Variants in TOP2B observed in about 807,000 individuals in gnomAD.
The protein encoded by TOP2B is DNA topoisomerase II beta.
A neutral mutation model predicts 193.5 loss-of-function variants in TOP2B; 51 were observed. The ratio of observed to expected loss-of-function variants is 0.26; its 90% CI spans 0.21 to 0.33. The LOEUF is 0.33. Among genes scored for constraint, TOP2B ranks in the 10% least tolerant of loss-of-function variants. TOP2B has a pLI of 1.00. For missense variants in TOP2B, 1,378 were observed against 1,909.3 expected (o/e 0.72, Z 5.19); for synonymous variants, 634 against 635.7 (o/e 1.00, Z 0.04).
chr3:25,637,356 T>A, intron 5 of TOP2B, 44 bp from the exon 6 acceptor site: 1 of 1,437,614 alleles, frequency 7.0e-7, no homozygotes, highest in Non-Finnish European at 9.5e-7. Context: ...AAAATGATTT[T>A]AAAGGAACTT....
rs370167709 is a variant in TOP2B, at chr3:25,645,460, T to A, written c.80A>T (p.Asp27Val). The A allele has an allele frequency of 2.6e-5, 41 of 1,604,026 alleles. No homozygotes were observed. The African/African-American group carries it at 5.1e-4, about 20-fold the overall frequency. Reference protein sequence around the residue: ...NGALTWVTLFDQNNAAKKEES... With the variant: ...NGALTWVTLFVQNNAAKKEES... ...TTCTTTTTTTGCAGCATTGTTCTGA[T>A]CAAAAAGAGTCTAAAATTAACCAAA... Residue 27 changes from aspartate to valine, a missense_variant, in exon 2 of 36, where the codon GAT becomes GTT. Coordinates refer to ENST00000264331, the MANE Select transcript of TOP2B (RefSeq NM_001330700.2).
chr3:25,654,227 CA>C (rs1008473451), intron 1 of TOP2B, among the ~76,000 whole-genome samples: 3 of 152,076 alleles, frequency 2.0e-5, no homozygotes, highest in African/African-American at 7.2e-5. Context: ...AAAACTATTA[CA>C]ACTAATAAAT....
chr3:25,658,039 C>T (rs1377100014), intron 1 of TOP2B, among the ~76,000 whole-genome samples: 1 of 86,986 alleles, frequency 1.1e-5, no homozygotes, highest in East Asian at 3.1e-4. Flanking sequence ...CCAGCCTGGG[C>T]GACAGAGCGA....
rs773404223 is a variant in TOP2B, at chr3:25,632,475, A to C, written c.1237T>G (p.Cys413Gly). The change falls in exon 10 of 36, where the codon TGC becomes GGC. Residue 413 changes from cysteine to glycine, a missense_variant. Physicochemically the swap from Cys to Gly is radical, Grantham distance 159. This residue lies in a region of TOP2B where 222 missense variants were observed against 306.6 expected (regional missense o/e 0.72). Transcript: ENST00000264331. ...TLQPKSFGSK[C>G]QLSEKFFKAA... ...TTAAAAAATTTTTCTGACAGCTGGC[A>C]TTTAGACCCAAAACTTTTGGGCTGC... The C allele has an allele frequency of 6.3e-7, 1 of 1,577,628 alleles. No homozygotes were observed. The highest frequency in any genetic ancestry group is 8.6e-7 in the Non-Finnish European group (1 of 1,162,914).
intron 33 of TOP2B, among the ~76,000 whole-genome samples, chr3:25,603,528 C>A (rs1203725375): frequency 6.6e-6 from 1 of 152,152 alleles, no homozygotes; most frequent in Non-Finnish European, 1.5e-5. Context: ...CAGGTGTGAG[C>A]CACTGCGCCC....
At position 25,632,315 on chromosome 3, in the gene TOP2B, G is replaced by C. The variant is rs532449489; in HGVS notation, c.1266+131C>G. The C allele has an allele frequency of 1.8e-4, 130 of 736,518 alleles. 1 individual carries two copies. The African/African-American group carries it at 2.2e-3, about 12-fold the overall frequency. The allele number at this position is 736,518 out of a possible 1,614,324, so 45.6% of individuals were successfully genotyped here. A position where few individuals can be genotyped will look rare whatever the true frequency, so the allele number is the denominator to read the frequency against. ...TAAAGTTATCAAATTAAGCATATTA[G>C]TTTGTAGTGCAAGCATGCTTATACC... On this transcript the variant is annotated intron_variant, in intron 10 of 35. Transcript: ENST00000264331.
chr3:25,601,613 CA>C (rs879457010), intron 33 of TOP2B, among the ~76,000 whole-genome samples: 20 of 146,424 alleles, frequency 1.4e-4, no homozygotes, highest in African/African-American at 2.0e-4. Flanking sequence ...ACTCTATCTT[CA>C]AAAAAAAAAA....
At chr3:25,663,764 CTT>C (rs1404057647) in intron 1 of TOP2B, among the ~76,000 whole-genome samples, 12 of 152,190 alleles carry the variant, frequency 7.9e-5, no homozygotes, top group African/African-American at 2.9e-4. Context: ...ATGCATTCTT[CTT>C]TGAGATTAAA....
Position 25,598,646 on chromosome 3 carries a change from T to C in TOP2B, c.4711-169A>G, listed in dbSNP as rs1026052109. Among the ~76,000 whole-genome samples, 3 of 152,230 alleles carry C rather than the reference T, an allele frequency of 2.0e-5. No individual in the cohort carries two copies. In the East Asian group the frequency reaches 5.8e-4, roughly 29 times the overall value. On this transcript the variant is annotated intron_variant, in intron 35 of 35. Coordinates refer to ENST00000264331, the MANE Select transcript of TOP2B (RefSeq NM_001330700.2). ...AGTGTAAGACCAGTTATCTTATTTT[T>C]TGGAGGAAAAAGATTACATACAGTA...
At chr3:25,651,846 C>T (rs908810418) in intron 1 of TOP2B, among the ~76,000 whole-genome samples, 1 of 146,902 alleles carries the variant, frequency 6.8e-6, no homozygotes, top group African/African-American at 2.5e-5. Flanking sequence ...GCCTGGACAA[C>T]AGAGGGAGAT....
Position 25,618,455 on chromosome 3 carries a change from G to C in TOP2B, c.3314C>G (p.Ser1105Cys). Residue 1105 changes from serine (S) to cysteine (C), a missense_variant, in exon 25 of 36, where the codon TCT (serine) becomes TGT (cysteine). This residue lies in a region of TOP2B where 379 missense variants were observed against 615.1 expected (regional missense o/e 0.62). Coordinates refer to ENST00000264331, the MANE Select transcript of TOP2B (RefSeq NM_001330700.2). ...IQMLVQRGYE[S>C]DPVKAWKEAQ... The stretch of plus-strand genomic sequence containing the variant: ...TTCTTTCCAGGCTTTCACTGGGTCA[G>C]ATTCATAACCTCTCTGGACTAACAT... 6 of 1,613,100 alleles carry C rather than the reference G, an allele frequency of 3.7e-6. No individual in the cohort carries two copies. The highest frequency in any genetic ancestry group is 5.1e-6 in the Non-Finnish European group (6 of 1,179,340).
chr3:25,632,417 A>T, intron 10 of TOP2B, 29 bp downstream of exon 10: 1 of 1,513,706 alleles, frequency 6.6e-7, no homozygotes. Context: ...CTTAATAACA[A>T]CAATAAAAAA....
chr3:25,630,616 A>G lies in TOP2B; in HGVS notation c.1406-147T>C, dbSNP rs1391405553. 3 of 843,640 alleles carry G rather than the reference A, an allele frequency of 3.6e-6. No homozygotes were observed. The East Asian group carries it at 8.3e-5, about 23-fold the overall frequency. 52.3% of individuals were successfully genotyped at this position (843,640 alleles called of 1,614,324 possible). ...TTATTGCTCAGTATAAATATTAAGT[A>G]TATTTTATTAAATTCCTATCCCCTG... On this transcript the variant is annotated intron_variant, in intron 11 of 35. Transcript: ENST00000264331.
chr3:25,600,537 C>T (rs1034182238), intron 34 of TOP2B, among the ~76,000 whole-genome samples: 13 of 152,204 alleles, frequency 8.5e-5, no homozygotes, highest in Admixed American at 7.9e-4. Context: ...GGAAGATATC[C>T]TTCAGTTGAA....
rs1343214280 is a variant in TOP2B, at chr3:25,607,261, G to C, written c.4208C>G (p.Thr1403Arg). The C allele has an allele frequency of 1.3e-6, 2 of 1,592,160 alleles. No homozygotes were observed. Among genetic ancestry groups the C allele is most frequent in the Non-Finnish European group, 1.7e-6 (2 of 1,167,520 alleles). Residue 1403 changes from threonine (T) to arginine (R), a missense_variant, in exon 31 of 36, where the codon ACA (threonine) becomes AGA (arginine). Thr to Arg is a moderately conservative substitution (Grantham distance 71). Coordinates refer to ENST00000264331, the MANE Select transcript of TOP2B (RefSeq NM_001330700.2). ...AACAAATTCATCTTCCCCATCATTT[G>C]TTATGGGAGATGCTTTAACTTTCAA... ...EELKVKASPI[T>R]NDGEDEFVPS...
chr3:25,607,121 A>T (rs940736523), intron 31 of TOP2B, 50 bp downstream of exon 31: 2 of 1,587,834 alleles, frequency 1.3e-6, no homozygotes, highest in African/African-American at 2.7e-5. Flanking sequence ...TATCTTTGGC[A>T]AATGTTTACA....
In TOP2B at chr3:25,632,171, TA is replaced by T. The variant is rs1559501609; in HGVS notation, c.1266+274del. ...GTTGCATAAGGATCTGGACATCTGT[TA>T]GGGGAAATCTGACCTTTACAATGGT... is the stretch of plus-strand genomic sequence containing the variant. On this transcript the variant is annotated intron_variant, in intron 10 of 35. Transcript: ENST00000264331. Among the ~76,000 whole-genome samples, 3 of 152,136 alleles carry T rather than the reference TA, an allele frequency of 2.0e-5. No homozygotes were observed. The South Asian group carries it at 6.2e-4, about 32-fold the overall frequency.
At chr3:25,607,643 A>C (rs1035810940) in intron 30 of TOP2B, among the ~76,000 whole-genome samples, 3 of 152,210 alleles carry the variant, frequency 2.0e-5, no homozygotes, top group African/African-American at 7.2e-5. Flanking sequence ...TGATATACTT[A>C]ATAATTAATC....
intron 20 of TOP2B, 28 bp downstream of exon 20, chr3:25,624,269 T>TTA: frequency 6.2e-7 from 1 of 1,611,660 alleles, no homozygotes; most frequent in African/African-American, 1.3e-5. Context: ...AAATCAAACT[T>TTA]TATACCATTA....
Sources: gnomAD v4.1 joint callset for allele counts (sites outside exome capture counted in the v4.1 genomes callset) on GRCh38, gnomAD v4.1.1 for gene constraint, gnomAD v4.1.1 regional missense constraint, MANE v1.5 for transcripts, NCBI Gene and HGNC (gene_info 2026-07-23, HGNC 2026-07-21) for gene names.